Variants in MAEA observed in about 807,000 individuals in gnomAD.
MAEA encodes macrophage erythroblast attacher, E3 ubiquitin ligase.
MAEA carries 22 observed loss-of-function variants against 46.2 expected under a neutral mutation model. The ratio of observed to expected loss-of-function variants is 0.48; its 90% CI spans 0.34 to 0.68. MAEA has a LOEUF of 0.68. Among genes scored for constraint, MAEA ranks in the 30% least tolerant of loss-of-function variants. The pLI, the probability that MAEA is intolerant of heterozygous loss-of-function variation, is 0.01. For synonymous variants in MAEA, 246 were observed against 222.6 expected, an observed-to-expected ratio of 1.11 and a Z score of -0.94; for missense variants, 393 against 558.1, an observed-to-expected ratio of 0.70 and a Z score of 2.98.
intron 2 of MAEA, among the ~76,000 whole-genome samples, chr4:1,313,262 G>A (rs892057897): frequency 2.0e-5 from 3 of 152,246 alleles, no homozygotes; most frequent in African/African-American, 7.2e-5. Context: ...GGCATAAGAT[G>A]ATTCTTAGAT....
chr4:1,303,440 A>G (rs951096960), intron 1 of MAEA, among the ~76,000 whole-genome samples: 7 of 151,260 alleles, frequency 4.6e-5, no homozygotes, highest in South Asian at 2.1e-4. Flanking sequence ...GATAGCAGCC[A>G]AAGGTCCATC....
intron 1 of MAEA, 118 bp downstream of exon 1, chr4:1,290,100 C>T: frequency 3.5e-6 from 2 of 573,930 alleles, no homozygotes; most frequent in Non-Finnish European, 5.0e-6. Flanking sequence ...CTGGGCGCGG[C>T]CTCGCGGGGC....
chr4:1,318,026 G>A (rs948904162), intron 3 of MAEA, among the ~76,000 whole-genome samples: 2 of 152,296 alleles, frequency 1.3e-5, no homozygotes, highest in African/African-American at 2.4e-5. Flanking sequence ...CTCATGTGAC[G>A]GACAGTGGGC....
At chr4:1,300,963 C>T (rs943554166) in intron 1 of MAEA, among the ~76,000 whole-genome samples, 5 of 152,172 alleles carry the variant, frequency 3.3e-5, no homozygotes, top group East Asian at 1.9e-4. Context: ...TTACATGCCC[C>T]GCACCAGAAC....
intron 1 of MAEA, among the ~76,000 whole-genome samples, chr4:1,306,004 C>G (rs1211132666): frequency 1.4e-4 from 22 of 152,204 alleles, no homozygotes; most frequent in Non-Finnish European, 3.2e-4. Context: ...GCCCCGCCCA[C>G]AGGAGGAATT....
chr4:1,321,957 A>G (rs1048525559), intron 3 of MAEA, among the ~76,000 whole-genome samples: 1 of 145,082 alleles, frequency 6.9e-6, no homozygotes, highest in African/African-American at 2.6e-5. Flanking sequence ...TGTATTATTT[A>G]GCATGTTATT....
chr4:1,294,488 A>C (rs1353598717), intron 1 of MAEA, among the ~76,000 whole-genome samples: 2 of 152,176 alleles, frequency 1.3e-5, no homozygotes. Context: ...GGTTGGAGGC[A>C]GTACTGACGT....
chr4:1,298,830 G>A (rs1208994034), intron 1 of MAEA, among the ~76,000 whole-genome samples: 3 of 152,102 alleles, frequency 2.0e-5, no homozygotes, highest in African/African-American at 7.2e-5. Flanking sequence ...CCAGTAGCCT[G>A]TAAAACATAC....
intron 1 of MAEA, among the ~76,000 whole-genome samples, chr4:1,295,780 C>G (rs1275563401): frequency 1.1e-5 from 1 of 87,242 alleles, no homozygotes; most frequent in Non-Finnish European, 2.2e-5. Flanking sequence ...CCCCCTCACC[C>G]GCGCCTGTGC....
In MAEA at chr4:1,322,943, C is replaced by CCTTTTTTTTTTTTTTTTTTTT. The variant is rs1560368750; in HGVS notation, c.579+440_579+441insCTTTTTTTTTTTTTTTTTTTT. On this transcript the variant is annotated intron_variant, in intron 4 of 8. Coordinates refer to ENST00000303400, the MANE Select transcript of MAEA (RefSeq NM_001017405.3). ...CTGTGATATTGTTAATGAATACCCA[C>CCTTTTTTTTTTTTTTTTTTTT]TTTTTTTTTTTTTTTTTTTTTTTTT... is the stretch of plus-strand genomic sequence containing the variant. 2.4e-4 allele frequency among the ~76,000 whole-genome samples: 18 copies of CCTTTTTTTTTTTTTTTTTTTT among 75,246 alleles called. 7 individuals carry two copies. Among genetic ancestry groups the CCTTTTTTTTTTTTTTTTTTTT allele is most frequent in the South Asian group, 4.7e-4 (1 of 2,138 alleles). The allele number at this position is 75,246 out of a possible 152,430, so 49.4% of individuals were successfully genotyped here. A position where few individuals can be genotyped will look rare whatever the true frequency, so the allele number is the denominator to read the frequency against.
At chr4:1,335,134 G>A (rs763023183) in intron 6 of MAEA, 5 of 985,294 alleles carry the variant, frequency 5.1e-6, no homozygotes, top group African/African-American at 3.5e-5. Flanking sequence ...TAAACCTGAG[G>A]TTATTTAGGG....
chr4:1,298,606 C>T (rs146509826), intron 1 of MAEA, among the ~76,000 whole-genome samples: 109 of 152,290 alleles, frequency 7.2e-4, no homozygotes, highest in African/African-American at 2.3e-3. Flanking sequence ...TCTTGCTGCC[C>T]ATCTCGACCT....
Position 1,312,251 on chromosome 4 carries a change from G to A in MAEA, c.252+90G>A, listed in dbSNP as rs6835204. 0.013 allele frequency: 18,954 copies of A among 1,507,456 alleles called. 1,766 individuals carry two copies. In the African/African-American group the frequency reaches 0.21, roughly 17 times the overall value. 93.4% of individuals were successfully genotyped at this position (1,507,456 alleles called of 1,614,324 possible). On this transcript the variant is annotated intron_variant, in intron 2 of 8. Coordinates refer to ENST00000303400, the MANE Select transcript of MAEA (RefSeq NM_001017405.3). The stretch of plus-strand genomic sequence containing the variant: ...AGTCCTAAGACAGGCAAGCTGCAAT[G>A]ATGGGAACGCGGGAGGTGCGGTTGG...
intron 7 of MAEA, 141 bp from the exon 8 acceptor site, chr4:1,338,281 C>T: frequency 1.6e-6 from 1 of 627,614 alleles, no homozygotes; most frequent in East Asian, 2.8e-5. Context: ...CTTCCTGTGC[C>T]TCGAAAGACA....
rs1475440895 is a variant in MAEA at position 1,339,330 on chromosome 4, G to A, written c.*161G>A. The A allele has an allele frequency of 6.7e-6, 4 of 596,096 alleles. No homozygotes were observed. Among genetic ancestry groups the A allele is most frequent in the Non-Finnish European group, 1.2e-5 (4 of 335,078 alleles). 36.9% of individuals were successfully genotyped at this position (596,096 alleles called of 1,614,324 possible). On this transcript the variant is annotated 3_prime_UTR_variant, in exon 9 of 9. Transcript: ENST00000303400. Reference sequence around the variant, plus strand: ...TACTCTTAGGAAGAGAGAAAATAAGGTTTCATAAGTTTGTACTTGAAAACA... The same window carrying A: ...TACTCTTAGGAAGAGAGAAAATAAGATTTCATAAGTTTGTACTTGAAAACA...
chr4:1,309,458 G>T (rs761194485), intron 1 of MAEA: 451 of 1,316,406 alleles, frequency 3.4e-4, no homozygotes, highest in Non-Finnish European at 4.2e-4. Context: ...GGCTCCTCTG[G>T]GGGGCGTGGA....
chr4:1,337,079 C>G, intron 7 of MAEA, 85 bp downstream of exon 7: 1 of 1,487,104 alleles, frequency 6.7e-7, no homozygotes, highest in Non-Finnish European at 9.2e-7. Context: ...TGCACCTTGC[C>G]ACTCTTGTCC....
intron 5 of MAEA, chr4:1,328,752 G>T (rs187078665): frequency 1.3e-5 from 16 of 1,198,004 alleles, no homozygotes; most frequent in Admixed American, 6.1e-5. Flanking sequence ...CCCTGCCCTT[G>T]CGTGGACCCT....
At chr4:1,323,579 A>T in intron 4 of MAEA, 1 of 702,580 alleles carries the variant, frequency 1.4e-6, no homozygotes, top group South Asian at 1.5e-5. Context: ...GGACCTTGGT[A>T]TGGAAACCCT....
Sources: gnomAD v4.1 joint callset for allele counts (sites outside exome capture counted in the v4.1 genomes callset) on GRCh38, gnomAD v4.1.1 for gene constraint, MANE v1.5 for transcripts, NCBI Gene and HGNC (gene_info 2026-07-23, HGNC 2026-07-21) for gene names.